The following ACBD6 variants were observed in gnomAD, a reference collection of about 807,000 sequenced individuals.
ACBD6 encodes the protein acyl-CoA binding domain containing 6.
In ACBD6, 28 loss-of-function variants were observed where a neutral mutation model predicts 37.2. The observed-to-expected ratio is 0.75, with a 90% CI of 0.56 to 1.03. The LOEUF (loss-of-function observed/expected upper bound fraction) is 1.03. Ranked by LOEUF, ACBD6 falls within the 50% of genes least tolerant of loss-of-function variation. The pLI, the probability that ACBD6 is intolerant of heterozygous loss-of-function variation, is 0.00. For synonymous variants in ACBD6, 113 were observed against 126.8 expected, an observed-to-expected ratio of 0.89 and a Z score of 0.73; for missense variants, 340 against 337.4, an observed-to-expected ratio of 1.01 and a Z score of -0.06.
chr1:180,311,216 A>G (rs1650577670), intron 7 of ACBD6, among the ~76,000 whole-genome samples: 1 of 152,124 alleles, frequency 6.6e-6, no homozygotes, highest in African/African-American at 2.4e-5. Context: ...TGTAGTATCT[A>G]CGTGGGCCTC....
intron 1 of ACBD6, among the ~76,000 whole-genome samples, chr1:180,500,627 G>A (rs1271396928): frequency 6.6e-6 from 1 of 150,826 alleles, no homozygotes; most frequent in Non-Finnish European, 1.5e-5. Context: ...CGGGGAGGTA[G>A]AGGTTGCAGT....
intron 7 of ACBD6, among the ~76,000 whole-genome samples, chr1:180,304,177 T>C (rs139745636): frequency 0.011 from 1,717 of 150,926 alleles, 53 homozygotes; most frequent in African/African-American, 0.038. Flanking sequence ...CCTGGAACCA[T>C]TCCCTTTGAA....
intron 4 of ACBD6, among the ~76,000 whole-genome samples, chr1:180,428,531 C>G (rs1357006374): frequency 1.3e-5 from 2 of 152,174 alleles, no homozygotes; most frequent in African/African-American, 4.8e-5. Context: ...GGAAGATTAA[C>G]CCTTTCAATA....
chr1:180,407,821 T>C (rs1647686032), intron 5 of ACBD6, among the ~76,000 whole-genome samples: 1 of 152,234 alleles, frequency 6.6e-6, no homozygotes, highest in Non-Finnish European at 1.5e-5. Flanking sequence ...AACTATCACA[T>C]GCATTGTATA....
chr1:180,387,582 G>C (rs1161790641), intron 6 of ACBD6, among the ~76,000 whole-genome samples: 1 of 152,198 alleles, frequency 6.6e-6, no homozygotes, highest in Non-Finnish European at 1.5e-5. Context: ...TGAAAGCTCA[G>C]GGTACTCATT....
rs549320550 is a variant in ACBD6 at position 180,345,838 on chromosome 1, G to GT, written c.664-31117dup. Among the ~76,000 whole-genome samples, 15 of 151,916 alleles carry GT rather than the reference G, an allele frequency of 9.9e-5. No individual in the cohort carries two copies. The South Asian group carries it at 1.5e-3, about 15-fold the overall frequency. On this transcript the variant is annotated intron_variant, in intron 6 of 7. Coordinates refer to ENST00000367595, the MANE Select transcript of ACBD6 (RefSeq NM_032360.4). ...CACAATGTAAACAGTATGTCTATAT[G>GT]TTTTTTTTAACTTTTCCGTATATTC... is the stretch of plus-strand genomic sequence containing the variant.
intron 3 of ACBD6, chr1:180,435,815 C>A: frequency 1.0e-6 from 1 of 984,134 alleles, no homozygotes; most frequent in Non-Finnish European, 1.6e-6. Flanking sequence ...TAACTCCAGC[C>A]TGATGGGTTT....
chr1:180,367,123 T>C (rs1214086362), intron 6 of ACBD6, among the ~76,000 whole-genome samples: 1 of 152,248 alleles, frequency 6.6e-6, no homozygotes, highest in Non-Finnish European at 1.5e-5. Context: ...GATTAAAATG[T>C]TCGATCTGTA....
chr1:180,354,420 A>T (rs1405387965), intron 6 of ACBD6, among the ~76,000 whole-genome samples: 1 of 151,522 alleles, frequency 6.6e-6, no homozygotes, highest in Non-Finnish European at 1.5e-5. Flanking sequence ...CCTTTATGGT[A>T]TTTTTTTTTA....
At chr1:180,426,894 G>C (rs1315145059) in intron 4 of ACBD6, among the ~76,000 whole-genome samples, 1 of 152,164 alleles carries the variant, frequency 6.6e-6, no homozygotes, top group Non-Finnish European at 1.5e-5. Context: ...ACTAGCATTT[G>C]AATGCCAGCG....
chr1:180,397,746 G>T, intron 5 of ACBD6, 141 bp from the exon 6 acceptor site: 1 of 781,252 alleles, frequency 1.3e-6, no homozygotes, highest in Non-Finnish European at 2.2e-6. Flanking sequence ...AATGCACTAT[G>T]GAAAAAGCAA....
chr1:180,460,414 A>G (rs1481618862), intron 3 of ACBD6, among the ~76,000 whole-genome samples: 1 of 152,174 alleles, frequency 6.6e-6, no homozygotes, highest in African/African-American at 2.4e-5. Context: ...TGGCTGCTCT[A>G]TGAAAGTGAG....
intron 6 of ACBD6, among the ~76,000 whole-genome samples, chr1:180,349,291 G>A (rs981182172): frequency 3.4e-5 from 5 of 147,640 alleles, no homozygotes; most frequent in Non-Finnish European, 7.4e-5. Context: ...GAAACGTCTC[G>A]CTCTGTCGCC....
intron 9 of ACBD6, chr1:180,279,127 A>ACT (rs1351561297): frequency 6.6e-6 from 1 of 152,166 alleles, no homozygotes; most frequent in African/African-American, 2.4e-5. Context: ...CAGAACTATT[A>ACT]TACTTAGAGC....
At chr1:180,464,817 G>T (rs1411932538) in intron 3 of ACBD6, among the ~76,000 whole-genome samples, 1 of 152,100 alleles carries the variant, frequency 6.6e-6, no homozygotes, top group African/African-American at 2.4e-5. Flanking sequence ...AAAACAGCAT[G>T]GTACTTGTAT....
Position 180,502,158 on chromosome 1 carries a change from C to G in ACBD6, c.109G>C (p.Glu37Gln). ...AGCTCGGCCAGGCAACTGGTCTCCT[C>G]GATCTCAGGGCTATGGGGGAACTCC... ...EVEFPHSPEI[E>Q]ETSCLAELFE... Residue 37 changes from glutamate (E) to glutamine (Q), a missense_variant, in exon 1 of 8, where the codon GAG becomes CAG. Glu to Gln is a conservative substitution (Grantham distance 29). Coordinates refer to ENST00000367595, the MANE Select transcript of ACBD6 (RefSeq NM_032360.4). 1 of 1,614,074 alleles carries G rather than the reference C, an allele frequency of 6.2e-7. No homozygotes were observed. The highest frequency in any genetic ancestry group is 1.1e-5 in the South Asian group (1 of 91,084).
chr1:180,440,526 C>T (rs1212424956), intron 3 of ACBD6, among the ~76,000 whole-genome samples: 3 of 152,206 alleles, frequency 2.0e-5, no homozygotes, highest in African/African-American at 7.2e-5. Context: ...TATTGTGCAA[C>T]CAACTGCATC....
intron 10 of ACBD6, chr1:180,274,141 G>A (rs763042525): frequency 1.9e-5 from 30 of 1,612,926 alleles, no homozygotes; most frequent in Middle Eastern, 1.6e-4. Flanking sequence ...GGGACCATCA[G>A]AGTCCTGGCA....
At chr1:180,351,602 T>G (rs995929277) in intron 6 of ACBD6, among the ~76,000 whole-genome samples, 6 of 86,400 alleles carry the variant, frequency 6.9e-5, no homozygotes, top group African/African-American at 2.4e-4. Flanking sequence ...TTTTTTTTTT[T>G]GATAGGGCAT....
Sources: gnomAD v4.1 joint callset for allele counts (sites outside exome capture counted in the v4.1 genomes callset) on GRCh38, gnomAD v4.1.1 for gene constraint, MANE v1.5 for transcripts, NCBI Gene and HGNC (gene_info 2026-07-23, HGNC 2026-07-21) for gene names.